The following PI4KA variants were observed in gnomAD, a reference collection of about 807,000 sequenced individuals.
PI4KA encodes the protein phosphatidylinositol 4-kinase alpha.
Under a neutral mutation model 271.4 loss-of-function variants are expected in PI4KA, and 122 were observed. The observed-to-expected ratio is 0.45, with a 90% CI of 0.39 to 0.52. The LOEUF is 0.52. PI4KA is among the 20% of genes least tolerant of loss of function. The probability of loss-of-function intolerance (pLI) is 0.00; values close to 1 mark genes in which losing one functional copy is unlikely to be tolerated. For missense variants in PI4KA, 1,969 were observed against 2,769.1 expected, an observed-to-expected ratio of 0.71 and a Z score of 6.48; for synonymous variants, 1,041 against 1,078.8, an observed-to-expected ratio of 0.96 and a Z score of 0.69.
chr22:20,805,024 G>C lies in PI4KA; in HGVS notation c.1310C>G (p.Ala437Gly). 1 of 1,614,090 alleles carries C rather than the reference G, an allele frequency of 6.2e-7. No individual in the cohort carries two copies. Among genetic ancestry groups the C allele is most frequent in the Non-Finnish European group, 8.5e-7 (1 of 1,179,980 alleles). Residue 437 changes from alanine to glycine, a missense_variant, in exon 11 of 55, where the codon GCG (alanine) becomes GGG (glycine). Ala to Gly is a moderately conservative substitution (Grantham distance 60). Coordinates refer to ENST00000255882, the MANE Select transcript of PI4KA (RefSeq NM_058004.4). ...ELSPLKLRCQ[A>G]NAACVDLMVW... ...CATGAGGTCCACACAGGCAGCATTC[G>C]CCTGACAGCGCAGTTTGAGGGGGCT...
At chr22:20,833,259 A>C (rs1212895496) in intron 3 of PI4KA, among the ~76,000 whole-genome samples, 1 of 152,144 alleles carries the variant, frequency 6.6e-6, no homozygotes, top group Non-Finnish European at 1.5e-5. Context: ...AACATGCAGC[A>C]CTGGAGGGGT....
chr22:20,759,138 C>G (rs1024052857), intron 23 of PI4KA, among the ~76,000 whole-genome samples: 1 of 152,170 alleles, frequency 6.6e-6, no homozygotes, highest in Non-Finnish European at 1.5e-5. Context: ...CAACCTTGAA[C>G]TGGGCTCAAG....
chr22:20,714,587 G>A (rs372266612), intron 46 of PI4KA, 41 bp downstream of exon 46: 151 of 1,613,844 alleles, frequency 9.4e-5, no homozygotes, highest in South Asian at 1.1e-4. Context: ...CTTCGCACGC[G>A]GACGCGTGGA....
chr22:20,855,169 A>G (rs1192591479), intron 1 of PI4KA, among the ~76,000 whole-genome samples: 1 of 150,832 alleles, frequency 6.6e-6, no homozygotes, highest in Non-Finnish European at 1.5e-5. Context: ...AAAAAAAAGA[A>G]CAAGAAACTT....
chr22:20,858,783 G>C lies in PI4KA; in HGVS notation c.-58C>G. 7.3e-7 allele frequency: 1 copy of C among 1,366,308 alleles called. No individual in the cohort carries two copies. The highest frequency in any genetic ancestry group is 9.5e-7 in the Non-Finnish European group (1 of 1,055,628). The allele number at this position is 1,366,308 out of a possible 1,614,324, so 84.6% of individuals were successfully genotyped here. A position where few individuals can be genotyped will look rare whatever the true frequency, so the allele number is the denominator to read the frequency against. ...CCCCGCTCCTGGCCCGCGAGCGCCC[G>C]ACCTCAGGGCGCAGGCGTAGGTGCA... On this transcript the variant is annotated 5_prime_UTR_variant, in exon 1 of 55. Coordinates refer to ENST00000255882, the MANE Select transcript of PI4KA (RefSeq NM_058004.4).
At chr22:20,779,079 C>A in intron 19 of PI4KA, 1 of 1,063,154 alleles carries the variant, frequency 9.4e-7, no homozygotes, top group Non-Finnish European at 1.3e-6. Flanking sequence ...CATCAAGGGG[C>A]CCACAGATCC....
intron 23 of PI4KA, among the ~76,000 whole-genome samples, chr22:20,758,454 C>CTTTTT (rs1601421649): frequency 5.2e-5 from 4 of 77,606 alleles, no homozygotes; most frequent in Admixed American, 1.4e-4. Flanking sequence ...ATTTTTCTTT[C>CTTTTT]TTTTCTTTTT....
In PI4KA at chr22:20,773,148, G is replaced by A. The variant is rs560557190; in HGVS notation, c.2329-7455C>T. ...CGCATGTAATCCCAGCACTTTGGGA[G>A]GCCGAGACGGGAGGATCACTTCACT... On this transcript the variant is annotated intron_variant, in intron 19 of 54. Coordinates refer to ENST00000255882, the MANE Select transcript of PI4KA (RefSeq NM_058004.4). Among the ~76,000 whole-genome samples, 20 of 152,226 alleles carry A rather than the reference G, an allele frequency of 1.3e-4. No individual in the cohort carries two copies. The East Asian group carries it at 3.9e-3, about 29-fold the overall frequency.
intron 1 of PI4KA, among the ~76,000 whole-genome samples, chr22:20,853,273 G>A (rs963929744): frequency 6.6e-6 from 1 of 152,110 alleles, no homozygotes; most frequent in African/African-American, 2.4e-5. Context: ...TCCCAGGATC[G>A]AGGGCCCACT....
intron 6 of PI4KA, 116 bp from the exon 7 acceptor site, chr22:20,818,665 A>C: frequency 3.0e-6 from 2 of 671,974 alleles, no homozygotes; most frequent in Non-Finnish European, 4.7e-6. Context: ...TTCTGGTTGA[A>C]GCCTCATTTC....
intron 30 of PI4KA, 38 bp downstream of exon 30, chr22:20,744,590 A>T (rs1445560758): frequency 2.7e-6 from 4 of 1,457,636 alleles, no homozygotes; most frequent in African/African-American, 1.4e-5. Context: ...ACAAGAGGAC[A>T]CGTTAAAGGC....
Position 20,742,303 on chromosome 22 carries a change from G to A in PI4KA, c.3666C>T (p.Phe1222=), listed in dbSNP as rs750999796. ...HHLCWGPLRM[F]NEHGMETALA... ...GGGCCGTCTCCATGCCATGCTCATT[G>A]AACATCCGGAGGGGACCCCAGCACA... The change falls in exon 32 of 55, where the codon TTC becomes TTT. Residue 1222 remains phenylalanine, a synonymous_variant. Transcript: ENST00000255882. 1.1e-5 allele frequency: 18 copies of A among 1,614,064 alleles called. No individual in the cohort carries two copies. Among genetic ancestry groups the A allele is most frequent in the Admixed American group, 3.3e-5 (2 of 60,002 alleles).
At chr22:20,811,519 T>A (rs545948854) in intron 8 of PI4KA, among the ~76,000 whole-genome samples, 1 of 150,936 alleles carries the variant, frequency 6.6e-6, no homozygotes, top group East Asian at 2.0e-4. Context: ...AGCTCATATT[T>A]TAAATTTTCA....
intron 23 of PI4KA, among the ~76,000 whole-genome samples, chr22:20,754,884 G>GT (rs753370594): frequency 9.9e-5 from 15 of 152,176 alleles, no homozygotes; most frequent in Non-Finnish European, 1.3e-4. Context: ...GGAGACAGAG[G>GT]TTGCAGTGAG....
At chr22:20,806,052 G>A (rs1190887256) in intron 10 of PI4KA, among the ~76,000 whole-genome samples, 1 of 152,096 alleles carries the variant, frequency 6.6e-6, no homozygotes, top group Admixed American at 6.5e-5. Flanking sequence ...CAGGGGTGGT[G>A]GGGAGGGCAG....
intron 1 of PI4KA, among the ~76,000 whole-genome samples, chr22:20,849,316 T>G (rs1319786949): frequency 1.3e-5 from 2 of 152,162 alleles, no homozygotes; most frequent in African/African-American, 4.8e-5. Flanking sequence ...CTAGAGTTAT[T>G]GTATGGCCCA....
intron 32 of PI4KA, among the ~76,000 whole-genome samples, chr22:20,736,160 A>G (rs897922794): frequency 1.3e-5 from 2 of 152,168 alleles, no homozygotes; most frequent in African/African-American, 2.4e-5. Flanking sequence ...ATCTGAGATG[A>G]GCCCTGGAGG....
At chr22:20,733,157 G>C (rs1245972441) in intron 35 of PI4KA, 59 bp from the exon 36 acceptor site, 10 of 1,594,010 alleles carry the variant, frequency 6.3e-6, no homozygotes, top group African/African-American at 1.3e-5. Context: ...CTAGAGGCCA[G>C]TCACACAAAG....
intron 45 of PI4KA, among the ~76,000 whole-genome samples, chr22:20,715,913 T>TA (rs1568947645): frequency 6.6e-6 from 1 of 151,616 alleles, no homozygotes; most frequent in African/African-American, 2.4e-5. Flanking sequence ...TTTTTTGAGA[T>TA]AGAGTCTCAC....
Sources: allele counts gnomAD v4.1 joint callset (sites outside exome capture counted in the v4.1 genomes callset), GRCh38; gene constraint gnomAD v4.1.1; transcripts MANE v1.5; gene names NCBI Gene and HGNC (gene_info 2026-07-23, HGNC 2026-07-21).